CARNMT1: variants seen among roughly 807,000 people sequenced by gnomAD.
The protein encoded by CARNMT1 is protein-L-histidine N-pros-methyltransferase CARNMT1.
Under a neutral mutation model 49.6 loss-of-function variants are expected in CARNMT1, and 28 were observed. That is an observed-to-expected ratio of 0.56 (90% CI 0.42 to 0.77). CARNMT1 has a LOEUF of 0.77. CARNMT1 is among the 30% of genes least tolerant of loss of function. The pLI is 0.00. For synonymous variants in CARNMT1, 178 were observed against 175.0 expected (o/e 1.02, Z -0.13); for missense variants, 421 against 512.6 (o/e 0.82, Z 1.73).
At chr9:75,001,624 A>G (rs1833360747) in intron 3 of CARNMT1, among the ~76,000 whole-genome samples, 1 of 152,244 alleles carries the variant, frequency 6.6e-6, no homozygotes, top group Non-Finnish European at 1.5e-5. Context: ...AACTGAAAAA[A>G]TGATCAGGAA....
At chr9:75,014,858 T>C (rs1053069177) in intron 3 of CARNMT1, among the ~76,000 whole-genome samples, 2 of 151,444 alleles carry the variant, frequency 1.3e-5, no homozygotes, top group African/African-American at 4.8e-5. Context: ...AAATAAATAA[T>C]AATCAATAAA....
rs1370641647 is a variant in CARNMT1 at position 75,016,614 on chromosome 9, C to T, written c.427-183G>A. On this transcript the variant is annotated intron_variant, in intron 2 of 7. Transcript: ENST00000376834. ...TGAAAAGAGTTTGGTGGTCTCACTGCTACCCTCAAAAGATTAAGGTCCATT... is the reference window on the plus strand; with the variant it reads ...TGAAAAGAGTTTGGTGGTCTCACTGTTACCCTCAAAAGATTAAGGTCCATT... 3 of 567,656 alleles carry T rather than the reference C, an allele frequency of 5.3e-6. No individual in the cohort carries two copies. The East Asian group carries it at 8.6e-5, about 16-fold the overall frequency. The allele number at this position is 567,656 out of a possible 1,614,324, so 35.2% of individuals were successfully genotyped here. A position where few individuals can be genotyped will look rare whatever the true frequency, so the allele number is the denominator to read the frequency against.
intron 3 of CARNMT1, among the ~76,000 whole-genome samples, chr9:75,010,665 AG>A (rs979557855): frequency 2.0e-5 from 3 of 152,246 alleles, no homozygotes; most frequent in Non-Finnish European, 2.9e-5. Context: ...GAAGAGACAT[AG>A]CAAAGAATTT....
At chr9:74,988,240 A>C (rs1362317372) in intron 6 of CARNMT1, among the ~76,000 whole-genome samples, 3 of 152,078 alleles carry the variant, frequency 2.0e-5, no homozygotes, top group Non-Finnish European at 4.4e-5. Flanking sequence ...TTTAGTGGCC[A>C]TAACAGAAGG....
rs566619273 is a variant in CARNMT1 at position 75,027,958 on chromosome 9, G to A, written c.230+54C>T. 9 of 1,494,604 alleles carry A rather than the reference G, an allele frequency of 6.0e-6. No homozygotes were observed. In the South Asian group the frequency reaches 1.1e-4, roughly 19 times the overall value. 92.6% of individuals were successfully genotyped at this position (1,494,604 alleles called of 1,614,324 possible). A position where few individuals can be genotyped will look rare whatever the true frequency, so the allele number is the denominator to read the frequency against. Reference sequence around the variant, plus strand: ...GCGCCCCCGTTCCGGCGGGTCCGCCGCCACCAGTGGGCGCCCCGACGGTCT... The same window carrying A: ...GCGCCCCCGTTCCGGCGGGTCCGCCACCACCAGTGGGCGCCCCGACGGTCT... On this transcript the variant is annotated intron_variant, in intron 1 of 7. Transcript: ENST00000376834.
Position 74,985,003 on chromosome 9 carries a change from C to T in CARNMT1, c.1032G>A (p.Leu344=). 1 of 1,610,306 alleles carries T rather than the reference C, an allele frequency of 6.2e-7. No homozygotes were observed. The highest frequency in any genetic ancestry group is 8.5e-7 in the Non-Finnish European group (1 of 1,176,710). ...TTGCCAGATTTTCAAAGTGGTACAGCAGAGGACCTATGGTTTAAAGATACT... is the reference window on the plus strand; with the variant it reads ...TTGCCAGATTTTCAAAGTGGTACAGTAGAGGACCTATGGTTTAAAGATACT... ...PGGIWINLGP[L]LYHFENLANE... Residue 344 remains leucine (L), a synonymous_variant, in exon 7 of 8, where the codon CTG becomes CTA. Coordinates refer to ENST00000376834, the MANE Select transcript of CARNMT1 (RefSeq NM_152420.3).
Position 74,981,500 on chromosome 9 carries a change from G to C in CARNMT1, c.*2267C>G, listed in dbSNP as rs1832692326. 6.6e-6 allele frequency: 1 copy of C among 152,056 alleles called. No homozygotes were observed. Among genetic ancestry groups the C allele is most frequent in the Non-Finnish European group, 1.5e-5 (1 of 67,990 alleles). 9.4% of individuals were successfully genotyped at this position (152,056 alleles called of 1,614,324 possible). ...TTATTGATTGATACCACATTTTCAA[G>C]TTTAGAATATATTAACTGCAAAAGC... On this transcript the variant is annotated 3_prime_UTR_variant, in exon 8 of 8. Transcript: ENST00000376834.
At chr9:75,002,837 C>T (rs1292796807) in intron 3 of CARNMT1, among the ~76,000 whole-genome samples, 1 of 152,026 alleles carries the variant, frequency 6.6e-6, no homozygotes, top group Non-Finnish European at 1.5e-5. Flanking sequence ...GCCTCTCAGG[C>T]TCAGACGATC....
chr9:74,993,790 C>T (rs1393523834), intron 6 of CARNMT1, among the ~76,000 whole-genome samples: 1 of 152,134 alleles, frequency 6.6e-6, no homozygotes, highest in Non-Finnish European at 1.5e-5. Flanking sequence ...TCACCACTCC[C>T]ACTGAAGAAT....
chr9:74,985,843 G>C (rs1379051939), intron 6 of CARNMT1, among the ~76,000 whole-genome samples: 4 of 152,204 alleles, frequency 2.6e-5, no homozygotes, highest in Non-Finnish European at 5.9e-5. Context: ...GCCTCCCAAA[G>C]TGTTGCGATT....
chr9:75,017,998 G>A (rs1833900301), intron 1 of CARNMT1, among the ~76,000 whole-genome samples: 1 of 151,974 alleles, frequency 6.6e-6, no homozygotes, highest in African/African-American at 2.4e-5. Context: ...GAACCCAAAG[G>A]TCACTTTGGG....
chr9:75,008,114 T>C (rs1833571216), intron 3 of CARNMT1, among the ~76,000 whole-genome samples: 1 of 131,158 alleles, frequency 7.6e-6, no homozygotes, highest in Non-Finnish European at 1.5e-5. Flanking sequence ...TGGGCCACAC[T>C]GGAAGAATTG....
At chr9:74,996,288 C>T (rs2118780085) in intron 6 of CARNMT1, 159 bp downstream of exon 6, 1 of 530,884 alleles carries the variant, frequency 1.9e-6, no homozygotes, top group Non-Finnish European at 3.3e-6. Flanking sequence ...TTGGAGGGAT[C>T]ACCACCAGGA....
At position 74,981,085 on chromosome 9, in the gene CARNMT1, T is replaced by C. The variant is rs961804451; in HGVS notation, c.*2682A>G. 1.4e-4 allele frequency: 22 copies of C among 152,292 alleles called. No individual in the cohort carries two copies. The highest frequency in any genetic ancestry group is 1.9e-4 in the East Asian group (1 of 5,190). The allele number at this position is 152,292 out of a possible 1,614,324, so 9.4% of individuals were successfully genotyped here. Reference sequence around the variant, plus strand: ...AATTTCATCATACACATTAAAAATATAGGAAATTTCATGCAGACATGAAGC... The same window carrying C: ...AATTTCATCATACACATTAAAAATACAGGAAATTTCATGCAGACATGAAGC... On this transcript the variant is annotated 3_prime_UTR_variant, in exon 8 of 8. Transcript: ENST00000376834.
At chr9:74,984,379 T>C (rs1013079271) in intron 7 of CARNMT1, among the ~76,000 whole-genome samples, 2 of 152,228 alleles carry the variant, frequency 1.3e-5, no homozygotes, top group Non-Finnish European at 2.9e-5. Flanking sequence ...TCGGCTACCA[T>C]TTATTGAAAG....
In CARNMT1 at chr9:74,998,598, T is replaced by C; in HGVS notation, c.910A>G (p.Asn304Asp). The C allele has an allele frequency of 6.4e-7, 1 of 1,564,326 alleles. No individual in the cohort carries two copies. Among genetic ancestry groups the C allele is most frequent in the Non-Finnish European group, 8.6e-7 (1 of 1,157,056 alleles). ...GDFQEIYSECNTWDCIATCFF... is the reference protein window; with the variant it reads ...GDFQEIYSECDTWDCIATCFF... ...TTTTAAACGCTTGATTTGGACTTAC[T>C]GCATTCTGAATAAATCTCTTGAAAA... Residue 304 changes from asparagine (N) to aspartate (D), a missense_variant and splice_region_variant, in exon 5 of 8, where the codon AAT (asparagine) becomes GAT (aspartate). By Grantham distance (23) the Asn-to-Asp change is conservative. Around this residue, in one of 2 missense-constraint regions of CARNMT1, gnomAD observed 235 missense variants for 344.8 expected, o/e 0.68. Transcript: ENST00000376834.
At chr9:75,004,840 T>C (rs751423067) in intron 3 of CARNMT1, among the ~76,000 whole-genome samples, 1 of 152,088 alleles carries the variant, frequency 6.6e-6, no homozygotes, top group East Asian at 1.9e-4. Context: ...TAACAGATTT[T>C]CCCCCACAAA....
intron 6 of CARNMT1, among the ~76,000 whole-genome samples, chr9:74,988,998 T>G (rs949185680): frequency 6.6e-6 from 1 of 152,228 alleles, no homozygotes; most frequent in African/African-American, 2.4e-5. Context: ...AGTAAGCAAA[T>G]TTAAAAACTT....
chr9:74,987,380 C>G (rs1832876387), intron 6 of CARNMT1, among the ~76,000 whole-genome samples: 1 of 152,090 alleles, frequency 6.6e-6, no homozygotes, highest in African/African-American at 2.4e-5. Context: ...TTGGGAATAA[C>G]CCAAACGTCC....
Sources: gnomAD v4.1 joint callset for allele counts (sites outside exome capture counted in the v4.1 genomes callset) on GRCh38, gnomAD v4.1.1 for gene constraint, gnomAD v4.1.1 regional missense constraint, MANE v1.5 for transcripts, NCBI Gene and HGNC (gene_info 2026-07-23, HGNC 2026-07-21) for gene names.